The following SYNJ2 variants were observed in gnomAD, a reference collection of about 807,000 sequenced individuals.
The protein encoded by SYNJ2 is polyphosphatidylinositol phosphatase SYNJ2.
A neutral mutation model predicts 141.3 loss-of-function variants in SYNJ2; 116 were observed. The observed-to-expected ratio is 0.82, with a 90% CI of 0.71 to 0.96. The LOEUF (loss-of-function observed/expected upper bound fraction) is 0.96, where lower values mean the gene tolerates loss of function less well. Ranked by LOEUF, SYNJ2 falls within the 40% of genes least tolerant of loss-of-function variation. SYNJ2 has a pLI of 0.00. For missense variants in SYNJ2, 1,873 were observed against 1,934.8 expected, an observed-to-expected ratio of 0.97 and a Z score of 0.60; for synonymous variants, 745 against 777.7, an observed-to-expected ratio of 0.96 and a Z score of 0.70.
At position 158,069,656 on chromosome 6, in the gene SYNJ2, C is replaced by T. The variant is rs1286414182; in HGVS notation, c.1923C>T (p.Tyr641=). The T allele has an allele frequency of 8.1e-6, 13 of 1,613,090 alleles. No homozygotes were observed. Among genetic ancestry groups the T allele is most frequent in the Non-Finnish European group, 1.1e-5 (13 of 1,179,298 alleles). Reference sequence around the variant, plus strand: ...GTCTTTATATCTTTGTACGTCCATACCATGTCCCGTTCATCAGGTAAGAAC... The same window carrying T: ...GTCTTTATATCTTTGTACGTCCATATCATGTCCCGTTCATCAGGTAAGAAC... ...GVCLYIFVRP[Y]HVPFIRDVAI... is the part of the protein sequence containing the mutation. Residue 641 remains tyrosine (Y), a synonymous_variant, in exon 14 of 27, where the codon TAC becomes TAT. Coordinates refer to ENST00000355585, the MANE Select transcript of SYNJ2 (RefSeq NM_003898.4).
chr6:157,993,827 T>G (rs1485166719), intron 1 of SYNJ2, among the ~76,000 whole-genome samples: 2 of 71,388 alleles, frequency 2.8e-5, no homozygotes, highest in South Asian at 3.9e-4. Context: ...TTTTTTTTTT[T>G]TTTTTGGGAC....
In SYNJ2 at chr6:158,081,481, C is replaced by T; in HGVS notation, c.2836C>T (p.Leu946Phe). Reference protein sequence around the residue: ...LVTFADSHSALSVLDVDGMKV... With the variant: ...LVTFADSHSAFSVLDVDGMKV... ...AACTTTTGCAGACAGTCACTCGGCTCTCAGTGTCCTGGACGTGGACGGTAT... is the reference window on the plus strand; with the variant it reads ...AACTTTTGCAGACAGTCACTCGGCTTTCAGTGTCCTGGACGTGGACGGTAT... The change falls in exon 20 of 27, where the codon CTC (leucine) becomes TTC (phenylalanine). Residue 946 changes from leucine to phenylalanine, a missense_variant. Leu to Phe is a conservative substitution (Grantham distance 22). Coordinates refer to ENST00000355585, the MANE Select transcript of SYNJ2 (RefSeq NM_003898.4). 1 of 1,613,976 alleles carries T rather than the reference C, an allele frequency of 6.2e-7. No individual in the cohort carries two copies. Among genetic ancestry groups the T allele is most frequent in the Non-Finnish European group, 8.5e-7 (1 of 1,180,020 alleles).
chr6:158,018,691 G>A (rs1778601012), intron 2 of SYNJ2, among the ~76,000 whole-genome samples: 1 of 152,242 alleles, frequency 6.6e-6, no homozygotes, highest in Non-Finnish European at 1.5e-5. Context: ...CCAAGAGCTA[G>A]CCGTACATTC....
chr6:158,080,223 C>A (rs898769843), intron 18 of SYNJ2, among the ~76,000 whole-genome samples: 3 of 152,102 alleles, frequency 2.0e-5, no homozygotes, highest in Non-Finnish European at 4.4e-5. Flanking sequence ...CGCCTTTATC[C>A]CAGCACTTTG....
chr6:158,042,013 C>G (rs1430440847), intron 4 of SYNJ2, among the ~76,000 whole-genome samples: 3 of 152,250 alleles, frequency 2.0e-5, no homozygotes, highest in African/African-American at 4.8e-5. Flanking sequence ...CTGCGCCCAG[C>G]CTGGATATTG....
At chr6:158,095,080 C>T (rs1783717528) in intron 26 of SYNJ2, among the ~76,000 whole-genome samples, 1 of 150,394 alleles carries the variant, frequency 6.6e-6, no homozygotes, top group South Asian at 2.1e-4. Context: ...ACCTGGGAGG[C>T]GGAGGTTACA....
chr6:158,059,552 T>C (rs1781080944), intron 7 of SYNJ2, 199 bp downstream of exon 7: 1 of 1,316,770 alleles, frequency 7.6e-7, no homozygotes, highest in Admixed American at 3.7e-5. Flanking sequence ...GTGTAATTTC[T>C]TTTCTTTTTT....
chr6:158,077,677 A>C (rs1331665611), intron 17 of SYNJ2: 1 of 135,628 alleles, frequency 7.4e-6, no homozygotes, highest in African/African-American at 2.7e-5. Context: ...AAAAAAAAAA[A>C]AACCTAATTA....
chr6:158,028,855 A>G lies in SYNJ2; in HGVS notation c.314A>G (p.Tyr105Cys), dbSNP rs142196925. 2 of 1,614,050 alleles carry G rather than the reference A, an allele frequency of 1.2e-6. No individual in the cohort carries two copies. Among genetic ancestry groups the G allele is most frequent in the African/African-American group, 2.7e-5 (2 of 74,922 alleles). The change falls in exon 3 of 27, where the codon TAC becomes TGC. Residue 105 changes from tyrosine to cysteine, a missense_variant. Physicochemically the swap from Tyr to Cys is radical, Grantham distance 194. Coordinates refer to ENST00000355585, the MANE Select transcript of SYNJ2 (RefSeq NM_003898.4). ...TACAAAATCACTGCCACTGACTTTTACCCTCTTCAGGAAGAGGCCAAGGAG... is the reference window on the plus strand; with the variant it reads ...TACAAAATCACTGCCACTGACTTTTGCCCTCTTCAGGAAGAGGCCAAGGAG... ...EIYKITATDFYPLQEEAKEEE... is the reference protein window; with the variant it reads ...EIYKITATDFCPLQEEAKEEE...
Position 158,078,216 on chromosome 6 carries a change from A to G in SYNJ2, c.2502A>G (p.Arg834=), listed in dbSNP as rs1782444419. ...ATCTAGATGTTGACACCAAAGTCAG[A>G]CACACCTGGTCTCCTGGTGCCCTGC... ...DSDLDVDTKV[R]HTWSPGALQY... is the part of the protein sequence containing the mutation. The change falls in exon 18 of 27, where the codon AGA becomes AGG. Residue 834 remains arginine (R), a synonymous_variant. Transcript: ENST00000355585. 8.1e-6 allele frequency: 13 copies of G among 1,614,144 alleles called. No individual in the cohort carries two copies. The highest frequency in any genetic ancestry group is 2.2e-5 in the East Asian group (1 of 44,880).
Position 158,064,857 on chromosome 6 carries a change from T to A in SYNJ2, c.1391T>A (p.Met464Lys), listed in dbSNP as rs1357317578. 6.2e-7 allele frequency: 1 copy of A among 1,611,428 alleles called. No homozygotes were observed. Among genetic ancestry groups the A allele is most frequent in the South Asian group, 1.1e-5 (1 of 90,922 alleles). Reference sequence around the variant, plus strand: ...AAGCTGAAGGATGGAGCCCGGTCCATGTCTCGAACCATCCAGTCCAACTTC... The same window carrying A: ...AAGCTGAAGGATGGAGCCCGGTCCAAGTCTCGAACCATCCAGTCCAACTTC... ...VGKLKDGARS[M>K]SRTIQSNFFD... Residue 464 changes from methionine to lysine, a missense_variant, in exon 11 of 27, where the codon ATG (methionine) becomes AAG (lysine). Met to Lys is a moderately conservative substitution (Grantham distance 95, BLOSUM62 -1). Coordinates refer to ENST00000355585, the MANE Select transcript of SYNJ2 (RefSeq NM_003898.4).
chr6:158,080,407 G>A lies in SYNJ2; in HGVS notation c.2568-702G>A, dbSNP rs568124785. Among the ~76,000 whole-genome samples, 6 of 151,764 alleles carry A rather than the reference G, an allele frequency of 4.0e-5. No individual in the cohort carries two copies. In the South Asian group the frequency reaches 8.3e-4, roughly 21 times the overall value. ...GGAGAATCACTTGAGCCCGGGAGGC[G>A]GAGGTTGCAGTGGGCTGAGATCGCG... On this transcript the variant is annotated intron_variant, in intron 18 of 26. Coordinates refer to ENST00000355585, the MANE Select transcript of SYNJ2 (RefSeq NM_003898.4).
intron 1 of SYNJ2, among the ~76,000 whole-genome samples, chr6:158,008,407 A>G (rs1279533099): frequency 2.0e-5 from 3 of 152,248 alleles, no homozygotes; most frequent in South Asian, 4.1e-4. Flanking sequence ...CATGCATTCA[A>G]GTCCCCTGGA....
intron 1 of SYNJ2, among the ~76,000 whole-genome samples, chr6:158,002,772 C>T (rs1461410788): frequency 6.6e-6 from 1 of 152,234 alleles, no homozygotes; most frequent in African/African-American, 2.4e-5. Context: ...GAAAACACAG[C>T]CCAGCCCTGC....
chr6:157,996,917 T>C lies in SYNJ2; in HGVS notation c.127+14829T>C, dbSNP rs1009413668. ...AGATCCATGAGCCAATTAAATCTCT[T>C]TTCTTTATAAATTACCCAGTCTCAG... On this transcript the variant is annotated intron_variant, in intron 1 of 26. Transcript: ENST00000355585. Among the ~76,000 whole-genome samples, 6 of 152,298 alleles carry C rather than the reference T, an allele frequency of 3.9e-5. No individual in the cohort carries two copies. The South Asian group carries it at 6.2e-4, about 16-fold the overall frequency.
intron 1 of SYNJ2, among the ~76,000 whole-genome samples, chr6:157,983,071 G>T (rs1777072631): frequency 6.6e-6 from 1 of 152,216 alleles, no homozygotes; most frequent in Non-Finnish European, 1.5e-5. Flanking sequence ...GCTAAACAAG[G>T]TGCAGCCCGG....
chr6:157,986,841 G>C (rs1777225235), intron 1 of SYNJ2, among the ~76,000 whole-genome samples: 1 of 151,732 alleles, frequency 6.6e-6, no homozygotes, highest in African/African-American at 2.4e-5. Flanking sequence ...TATTTCACTT[G>C]TCCCTGTATT....
At chr6:158,082,777 G>T (rs1324762350) in intron 20 of SYNJ2, among the ~76,000 whole-genome samples, 1 of 150,446 alleles carries the variant, frequency 6.6e-6, no homozygotes, top group African/African-American at 2.5e-5. Context: ...TTCTCGCCGA[G>T]TTACTTGATC....
chr6:158,093,030 C>T lies in SYNJ2; in HGVS notation c.3670C>T (p.Pro1224Ser), dbSNP rs369110258. The change falls in exon 26 of 27, where the codon CCC (proline) becomes TCC (serine). Residue 1224 changes from proline to serine, a missense_variant. Pro to Ser is a moderately conservative substitution (Grantham distance 74). Coordinates refer to ENST00000355585, the MANE Select transcript of SYNJ2 (RefSeq NM_003898.4). ...GAAKPETPQA[P>S]PLLPRRPPPR... is the part of the protein sequence containing the mutation. ...AGCCAAACCAGAGACCCCACAGGCG[C>T]CCCCACTCCTTCCCCGTCGGCCCCC... 64 of 1,612,182 alleles carry T rather than the reference C, an allele frequency of 4.0e-5. No homozygotes were observed. The African/African-American group carries it at 6.4e-4, about 16-fold the overall frequency.
Sources: gnomAD v4.1 joint callset for allele counts (sites outside exome capture counted in the v4.1 genomes callset) on GRCh38, gnomAD v4.1.1 for gene constraint, MANE v1.5 for transcripts, NCBI Gene and HGNC (gene_info 2026-07-23, HGNC 2026-07-21) for gene names.